Variants in ASCC3 observed in about 807,000 individuals in gnomAD.
ASCC3 encodes the protein activating signal cointegrator 1 complex subunit 3, also known as ASC-1 complex subunit P200.
A neutral mutation model predicts 256.3 loss-of-function variants in ASCC3; 158 were observed. That is an observed-to-expected ratio of 0.62 (90% confidence interval 0.54 to 0.70). The LOEUF is 0.70. ASCC3 is among the 30% of genes least tolerant of loss of function. ASCC3 has a pLI of 0.00. For missense variants in ASCC3, 2,259 were observed against 2,626.0 expected (o/e 0.86, Z 3.05); for synonymous variants, 948 against 883.4 (o/e 1.07, Z -1.30).
At chr6:100,699,650 A>G (rs1778259589) in intron 13 of ASCC3, among the ~76,000 whole-genome samples, 1 of 152,144 alleles carries the variant, frequency 6.6e-6, no homozygotes, top group African/African-American at 2.4e-5. Context: ...AAGATGTGGG[A>G]AAGTTTGGAT....
At chr6:100,765,773 C>A (rs1289348515) in intron 10 of ASCC3, among the ~76,000 whole-genome samples, 1 of 152,170 alleles carries the variant, frequency 6.6e-6, no homozygotes, top group Non-Finnish European at 1.5e-5. Context: ...TTGGTCTATA[C>A]CACCAAGCTT....
intron 1 of ASCC3, among the ~76,000 whole-genome samples, chr6:100,878,705 C>T (rs1175332364): frequency 6.6e-6 from 1 of 152,176 alleles, no homozygotes; most frequent in Non-Finnish European, 1.5e-5. Flanking sequence ...CTCTGGGAGG[C>T]AGACTGAAGG....
intron 1 of ASCC3, among the ~76,000 whole-genome samples, chr6:100,879,555 T>C (rs945536785): frequency 4.6e-5 from 7 of 152,222 alleles, no homozygotes; most frequent in East Asian, 1.9e-4. Flanking sequence ...GGGAGGCCGA[T>C]GCAGGAGGAC....
At chr6:100,775,283 GA>G (rs1352441968) in intron 8 of ASCC3, among the ~76,000 whole-genome samples, 2 of 152,084 alleles carry the variant, frequency 1.3e-5, no homozygotes, top group African/African-American at 4.8e-5. Flanking sequence ...CTGAGAATAA[GA>G]AGGCTTAGAT....
intron 8 of ASCC3, among the ~76,000 whole-genome samples, chr6:100,770,766 T>C (rs776824376): frequency 6.6e-6 from 1 of 151,676 alleles, no homozygotes; most frequent in Non-Finnish European, 1.5e-5. Flanking sequence ...AGGATAAATA[T>C]GAAAAGAGAT....
chr6:100,677,817 T>G (rs1213191503), intron 14 of ASCC3, among the ~76,000 whole-genome samples: 1 of 151,828 alleles, frequency 6.6e-6, no homozygotes, highest in Non-Finnish European at 1.5e-5. Flanking sequence ...AATAAAAATA[T>G]AAAAAAGCTT....
intron 36 of ASCC3, among the ~76,000 whole-genome samples, chr6:100,564,082 AC>A (rs2114710277): frequency 6.6e-6 from 1 of 151,416 alleles, no homozygotes; most frequent in Non-Finnish European, 1.5e-5. Flanking sequence ...AAGGTGTTTC[AC>A]TATAATGTTT....
intron 37 of ASCC3, among the ~76,000 whole-genome samples, chr6:100,526,430 C>T (rs1443173162): frequency 6.6e-6 from 1 of 152,116 alleles, no homozygotes; most frequent in Non-Finnish European, 1.5e-5. Flanking sequence ...CATCAACAAA[C>T]CACCACCAAA....
intron 10 of ASCC3, among the ~76,000 whole-genome samples, chr6:100,741,301 G>T (rs1780421573): frequency 6.6e-6 from 1 of 152,074 alleles, no homozygotes; most frequent in African/African-American, 2.4e-5. Context: ...TTTCTCTCTG[G>T]CTGCCCTTAA....
intron 10 of ASCC3, among the ~76,000 whole-genome samples, chr6:100,761,816 A>C (rs1326921182): frequency 6.6e-6 from 1 of 152,188 alleles, no homozygotes; most frequent in Non-Finnish European, 1.5e-5. Flanking sequence ...GCAGAGAACT[A>C]AACAGTACAT....
At chr6:100,757,817 T>C (rs1220749986) in intron 10 of ASCC3, among the ~76,000 whole-genome samples, 1 of 152,172 alleles carries the variant, frequency 6.6e-6, no homozygotes, top group Non-Finnish European at 1.5e-5. Flanking sequence ...TATTCCAGAC[T>C]GGTGAAGAAG....
intron 13 of ASCC3, among the ~76,000 whole-genome samples, chr6:100,713,086 C>T (rs543288246): frequency 3.3e-5 from 5 of 151,982 alleles, no homozygotes; most frequent in East Asian, 3.9e-4. Context: ...TTTACTCAAA[C>T]GAGTTGATAA....
At chr6:100,861,765 T>C (rs1773236774) in intron 3 of ASCC3, among the ~76,000 whole-genome samples, 1 of 152,158 alleles carries the variant, frequency 6.6e-6, no homozygotes, top group South Asian at 2.1e-4. Flanking sequence ...GATCAGTCCC[T>C]AAGTATGAAT....
chr6:100,591,916 T>C (rs1323960374), intron 34 of ASCC3, among the ~76,000 whole-genome samples: 2 of 151,912 alleles, frequency 1.3e-5, no homozygotes, highest in Non-Finnish European at 2.9e-5. Flanking sequence ...AAAAAAACTT[T>C]CCTTGAAAAA....
intron 27 of ASCC3, 108 bp from the exon 28 acceptor site, chr6:100,628,095 AAAAAAAAC>A: frequency 1.7e-6 from 2 of 1,143,926 alleles, no homozygotes; most frequent in Non-Finnish European, 2.5e-6. Flanking sequence ...CAAAAACAAA[AAAAAAAAC>A]AAAAAAAAAG....
Position 100,870,214 on chromosome 6 carries a change from T to C in ASCC3, c.-41-2176A>G, listed in dbSNP as rs530325549. Among the ~76,000 whole-genome samples the C allele has an allele frequency of 8.4e-5, 6 of 71,562 alleles. No individual in the cohort carries two copies. In the East Asian group the frequency reaches 2.8e-3, roughly 34 times the overall value. The allele number at this position is 71,562 out of a possible 152,430, so 46.9% of individuals were successfully genotyped here. A position where few individuals can be genotyped will look rare whatever the true frequency, so the allele number is the denominator to read the frequency against. Reference sequence around the variant, plus strand: ...TTTAAAAAATGCATATTTTTAAAAATGCATTTTTAATGCATTTTTTAATGC... The same window carrying C: ...TTTAAAAAATGCATATTTTTAAAAACGCATTTTTAATGCATTTTTTAATGC... On this transcript the variant is annotated intron_variant, in intron 1 of 41. Transcript: ENST00000369162.
rs199741353 is a variant in ASCC3, at chr6:100,673,525, GA to G, written c.2286+6092del. On this transcript the variant is annotated intron_variant, in intron 14 of 41. Coordinates refer to ENST00000369162, the MANE Select transcript of ASCC3 (RefSeq NM_006828.4). ...CTTCTAAAATGCATCTTAAAGCACA[GA>G]AAAAAAAATAGCTACAATCAAAATT... Among the ~76,000 whole-genome samples the G allele has an allele frequency of 3.7e-3, 554 of 149,234 alleles. 5 individuals are homozygous for G. Among genetic ancestry groups the G allele is most frequent in the African/African-American group, 0.012 (499 of 40,770 alleles).
intron 10 of ASCC3, among the ~76,000 whole-genome samples, chr6:100,753,638 G>T (rs988819194): frequency 4.6e-5 from 7 of 151,964 alleles, no homozygotes; most frequent in African/African-American, 1.7e-4. Flanking sequence ...TTAGCCACTC[G>T]AGTAGTTGGT....
chr6:100,812,172 G>C (rs574961193), intron 4 of ASCC3, among the ~76,000 whole-genome samples: 29 of 152,084 alleles, frequency 1.9e-4, no homozygotes, highest in African/African-American at 7.0e-4. Context: ...TAAGCAAGCA[G>C]GCAACAATAA....
Sources: gnomAD v4.1 joint callset for allele counts (sites outside exome capture counted in the v4.1 genomes callset) on GRCh38, gnomAD v4.1.1 for gene constraint, MANE v1.5 for transcripts, NCBI Gene and HGNC (gene_info 2026-07-23, HGNC 2026-07-21) for gene names.